The following FHOD3 variants were observed in gnomAD, a reference collection of about 807,000 sequenced individuals.
FHOD3 encodes formin homology 2 domain containing 3, also known as FH1/FH2 domain-containing protein 3.
In FHOD3, 90 loss-of-function variants were observed where a neutral mutation model predicts 173.0. The ratio of observed to expected loss-of-function variants is 0.52; its 90% CI spans 0.44 to 0.62. The LOEUF is 0.62. Among genes scored for constraint, FHOD3 ranks in the 20% least tolerant of loss-of-function variants. The pLI is 0.00. For missense variants in FHOD3, 1,945 were observed against 2,034.7 expected, an observed-to-expected ratio of 0.96 and a Z score of 0.85; for synonymous variants, 828 against 823.0, an observed-to-expected ratio of 1.01 and a Z score of -0.10.
At chr18:36,701,806 G>T (rs1056978835) in intron 17 of FHOD3, among the ~76,000 whole-genome samples, 5 of 152,116 alleles carry the variant, frequency 3.3e-5, no homozygotes, top group African/African-American at 1.2e-4. Flanking sequence ...GAAGTTATGG[G>T]ATCTATAAGG....
chr18:36,522,636 A>C (rs1390488498), intron 5 of FHOD3, among the ~76,000 whole-genome samples: 1 of 152,194 alleles, frequency 6.6e-6, no homozygotes, highest in Non-Finnish European at 1.5e-5. Flanking sequence ...GTATCATCAC[A>C]ACCTTTGCAG....
chr18:36,671,575 T>G (rs1173837571), intron 14 of FHOD3, among the ~76,000 whole-genome samples: 1 of 152,238 alleles, frequency 6.6e-6, no homozygotes, highest in Non-Finnish European at 1.5e-5. Flanking sequence ...GTGTGCCAAC[T>G]TTTACTTTAT....
chr18:36,338,800 G>A (rs1409119209), intron 1 of FHOD3, among the ~76,000 whole-genome samples: 2 of 152,166 alleles, frequency 1.3e-5, no homozygotes, highest in Non-Finnish European at 2.9e-5. Flanking sequence ...GCCAGGTGGA[G>A]CTAGATTCTT....
Position 36,707,746 on chromosome 18 carries a change from G to A in FHOD3, c.2237-1349G>A, listed in dbSNP as rs570370160. On this transcript the variant is annotated intron_variant, in intron 17 of 28. Transcript: ENST00000590592. ...CCAGCCGTGCCCATTACCTGGTGCC[G>A]CAGGATGCCTCCACAGAGAGCTGCC... 1.2e-4 allele frequency among the ~76,000 whole-genome samples: 18 copies of A among 152,244 alleles called. No homozygotes were observed. The East Asian group carries it at 3.5e-3, about 29-fold the overall frequency.
intron 10 of FHOD3, among the ~76,000 whole-genome samples, chr18:36,645,292 T>C (rs2149032181): frequency 6.6e-6 from 1 of 152,260 alleles, no homozygotes; most frequent in South Asian, 2.1e-4. Flanking sequence ...TGGTGGCATA[T>C]GCCTGTAGTC....
At chr18:36,306,291 A>C (rs2092095376) in intron 1 of FHOD3, among the ~76,000 whole-genome samples, 1 of 152,204 alleles carries the variant, frequency 6.6e-6, no homozygotes, top group African/African-American at 2.4e-5. Flanking sequence ...CCTCACTCCC[A>C]CAGCCTCGAG....
At chr18:36,511,656 G>A (rs1047375295) in intron 4 of FHOD3, among the ~76,000 whole-genome samples, 2 of 152,116 alleles carry the variant, frequency 1.3e-5, no homozygotes, top group African/African-American at 2.4e-5. Flanking sequence ...AGGGCCTCCC[G>A]CTAGAGATTC....
At position 36,616,204 on chromosome 18, in the gene FHOD3, T is replaced by C. The variant is rs1355600492; in HGVS notation, c.957+4109T>C. 2.0e-5 allele frequency among the ~76,000 whole-genome samples: 3 copies of C among 152,296 alleles called. No homozygotes were observed. In the East Asian group the frequency reaches 5.8e-4, roughly 29 times the overall value. ...AGATGGACTTTTTCCAGCACAGATA[T>C]TTCCTTCCCTTAGCCCCCTCACCAC... On this transcript the variant is annotated intron_variant, in intron 9 of 28. Coordinates refer to ENST00000590592, the MANE Select transcript of FHOD3 (RefSeq NM_001281740.3).
At chr18:36,540,846 T>C (rs1026744484) in intron 5 of FHOD3, among the ~76,000 whole-genome samples, 3 of 152,198 alleles carry the variant, frequency 2.0e-5, no homozygotes, top group African/African-American at 7.2e-5. Context: ...ACATTAGTCT[T>C]GACTTCCCCT....
At chr18:36,442,110 A>G (rs975335352) in intron 3 of FHOD3, among the ~76,000 whole-genome samples, 1 of 152,218 alleles carries the variant, frequency 6.6e-6, no homozygotes, top group Non-Finnish European at 1.5e-5. Context: ...ACTTCCAGAC[A>G]CTGGACATTC....
chr18:36,535,678 A>G (rs1375686666), intron 5 of FHOD3, among the ~76,000 whole-genome samples: 1 of 152,212 alleles, frequency 6.6e-6, no homozygotes, highest in Non-Finnish European at 1.5e-5. Context: ...GCTTTAATGA[A>G]CAATAATTAA....
intron 1 of FHOD3, among the ~76,000 whole-genome samples, chr18:36,351,941 A>T (rs1452223207): frequency 1.3e-5 from 2 of 152,178 alleles, no homozygotes; most frequent in African/African-American, 4.8e-5. Flanking sequence ...GGGCTGGTGG[A>T]GACTGATAAG....
chr18:36,639,819 T>TTG (rs2035179113), intron 10 of FHOD3, among the ~76,000 whole-genome samples: 1 of 151,652 alleles, frequency 6.6e-6, no homozygotes, highest in Non-Finnish European at 1.5e-5. Context: ...AAAGTGTTTT[T>TTG]TTTTTTTTTA....
At chr18:36,468,645 A>G (rs2053095317) in intron 3 of FHOD3, among the ~76,000 whole-genome samples, 2 of 152,218 alleles carry the variant, frequency 1.3e-5, no homozygotes, top group South Asian at 2.1e-4. Context: ...ATCCACCCCT[A>G]GTACTTTAGA....
chr18:36,371,563 A>G (rs2047188235), intron 2 of FHOD3, among the ~76,000 whole-genome samples: 1 of 152,204 alleles, frequency 6.6e-6, no homozygotes, highest in Non-Finnish European at 1.5e-5. Flanking sequence ...ATTCAAGATG[A>G]TATTTGGGTG....
Position 36,571,997 on chromosome 18 carries a change from C to T in FHOD3, c.512-4454C>T, listed in dbSNP as rs115683174. Among the ~76,000 whole-genome samples the T allele has an allele frequency of 2.0e-3, 307 of 152,300 alleles. 1 individual carries two copies. The highest frequency in any genetic ancestry group is 7.0e-3 in the African/African-American group (293 of 41,574). On this transcript the variant is annotated intron_variant, in intron 5 of 28. Transcript: ENST00000590592. The stretch of plus-strand genomic sequence containing the variant: ...AAGGTTAGCCTGGAGAGCTTGCTCC[C>T]TGTTTTCTGTTTTTGAGAGTTGTTC...
At chr18:36,754,173 G>A (rs2042526214) in intron 24 of FHOD3, among the ~76,000 whole-genome samples, 1 of 152,010 alleles carries the variant, frequency 6.6e-6, no homozygotes, top group African/African-American at 2.4e-5. Flanking sequence ...GCATTTTTTA[G>A]GCCCTTTTAC....
chr18:36,442,474 A>G (rs1456729742), intron 3 of FHOD3, among the ~76,000 whole-genome samples: 1 of 152,236 alleles, frequency 6.6e-6, no homozygotes, highest in African/African-American at 2.4e-5. Context: ...CAGGATTGAC[A>G]CACACATTTT....
chr18:36,576,606 T>C (rs1599725023), intron 6 of FHOD3, 61 bp downstream of exon 6: 5 of 1,362,840 alleles, frequency 3.7e-6, no homozygotes, highest in Non-Finnish European at 5.1e-6. Flanking sequence ...CTTTCTTTTT[T>C]CTCTGAGTCA....
Sources: allele counts gnomAD v4.1 joint callset (sites outside exome capture counted in the v4.1 genomes callset), GRCh38; gene constraint gnomAD v4.1.1; transcripts MANE v1.5; gene names NCBI Gene and HGNC (gene_info 2026-07-23, HGNC 2026-07-21).